Variants in VPS72 observed in about 807,000 individuals in gnomAD.
VPS72 encodes vacuolar protein sorting 72 homolog.
VPS72 carries 27 observed loss-of-function variants against 38.9 expected under a neutral mutation model. The ratio of observed to expected loss-of-function variants is 0.69; its 90% CI spans 0.51 to 0.96. The LOEUF (loss-of-function observed/expected upper bound fraction) is 0.96. Among genes scored for constraint, VPS72 ranks in the 40% least tolerant of loss-of-function variants. The pLI is 0.00. For synonymous variants in VPS72, 173 were observed against 186.3 expected (o/e 0.93, Z 0.58); for missense variants, 360 against 479.5 (o/e 0.75, Z 2.33).
At position 151,185,849 on chromosome 1, in the gene VPS72, T is replaced by G; in HGVS notation, c.219A>C (p.Gly73=). 2 of 1,614,142 alleles carry G rather than the reference T, an allele frequency of 1.2e-6. No homozygotes were observed. The highest frequency in any genetic ancestry group is 1.7e-6 in the Non-Finnish European group (2 of 1,180,020). ...IDEGDEPSSD[G]EAEEPRRKRR... ...GCTTCCTTCTTGGCTCTTCTGCTTC[T>G]CCATCACTGGATGGTTCATCCCCTT... Residue 73 remains glycine, a synonymous_variant, in exon 2 of 6, where the codon GGA becomes GGC. Transcript: ENST00000368892.
chr1:151,189,172 A>G (rs979420662), intron 1 of VPS72, among the ~76,000 whole-genome samples: 4 of 152,286 alleles, frequency 2.6e-5, no homozygotes, highest in African/African-American at 7.2e-5. Flanking sequence ...TTAACTGTTA[A>G]CCCAGGCAGT....
intron 4 of VPS72, among the ~76,000 whole-genome samples, chr1:151,181,918 T>C (rs1267069856): frequency 6.6e-6 from 1 of 151,962 alleles, no homozygotes; most frequent in Non-Finnish European, 1.5e-5. Flanking sequence ...AGGGTCTCAC[T>C]ATGTTGCCCA....
Position 151,176,812 on chromosome 1 carries a change from G to A in VPS72, c.927C>T (p.Pro309=), listed in dbSNP as rs371680178. 176 of 1,614,062 alleles carry A rather than the reference G, an allele frequency of 1.1e-4. No homozygotes were observed. The highest frequency in any genetic ancestry group is 1.6e-5 in the Non-Finnish European group (19 of 1,180,044). ...ALYRDPVTDI[P]YATARAFKII... is the part of the protein sequence containing the mutation. ...TCTTGAAGGCTCGAGCAGTGGCATAGGGTATGTCTGTAACAGGGTCCCGGT... is the reference window on the plus strand; with the variant it reads ...TCTTGAAGGCTCGAGCAGTGGCATAAGGTATGTCTGTAACAGGGTCCCGGT... Residue 309 remains proline, a synonymous_variant, in exon 6 of 6, where the codon CCC becomes CCT. Coordinates refer to ENST00000368892, the MANE Select transcript of VPS72 (RefSeq NM_005997.3).
chr1:151,184,290 T>C lies in VPS72; in HGVS notation c.562+27A>G, dbSNP rs41269666. The C allele has an allele frequency of 5.2e-3, 8,429 of 1,610,464 alleles. 41 individuals are homozygous for C. Among genetic ancestry groups the C allele is most frequent in the Middle Eastern group, 0.011 (66 of 6,050 alleles). On this transcript the variant is annotated intron_variant, in intron 4 of 5. Transcript: ENST00000368892. ...TTCTCATGCCCCTCAGCCCCTCTAC[T>C]CACTTTTTCTGAAACCACAGACTTA...
chr1:151,181,247 T>TA (rs1684232403), intron 4 of VPS72, among the ~76,000 whole-genome samples: 1 of 19,474 alleles, frequency 5.1e-5, no homozygotes. Flanking sequence ...GTCACTTTAC[T>TA]TTTTTTTTTT....
chr1:151,190,179 C>T lies in VPS72; in HGVS notation c.-58G>A. The T allele has an allele frequency of 6.4e-7, 1 of 1,573,636 alleles. No homozygotes were observed. Among genetic ancestry groups the T allele is most frequent in the Non-Finnish European group, 8.7e-7 (1 of 1,151,910 alleles). ...CCCCTCACCAGCTCGGTTTTGGGAG[C>T]TCGACGCTCGACATCACTACCTGCG... On this transcript the variant is annotated 5_prime_UTR_variant, in exon 1 of 6. Coordinates refer to ENST00000368892, the MANE Select transcript of VPS72 (RefSeq NM_005997.3).
At position 151,183,994 on chromosome 1, in the gene VPS72, G is replaced by T. The variant is rs116294737; in HGVS notation, c.562+323C>A. Reference sequence around the variant, plus strand: ...CTGCCTAAATTTCCTGAGTCATTAGGTATATACCCCATTTTATAAACAAGA... The same window carrying T: ...CTGCCTAAATTTCCTGAGTCATTAGTTATATACCCCATTTTATAAACAAGA... On this transcript the variant is annotated intron_variant, in intron 4 of 5. Transcript: ENST00000368892. Among the ~76,000 whole-genome samples, 1,110 of 151,814 alleles carry T rather than the reference G, an allele frequency of 7.3e-3. 23 individuals are homozygous for T. Among genetic ancestry groups the T allele is most frequent in the African/African-American group, 0.026 (1,073 of 41,374 alleles).
intron 4 of VPS72, among the ~76,000 whole-genome samples, 199 bp from the exon 5 acceptor site, chr1:151,178,344 TC>T (rs1203527977): frequency 3.9e-5 from 6 of 152,326 alleles, no homozygotes; most frequent in Middle Eastern, 3.4e-3. Context: ...TTTCTTGACA[TC>T]CTCTCTGCTC....
intron 4 of VPS72, among the ~76,000 whole-genome samples, chr1:151,180,000 A>G (rs1684204503): frequency 1.3e-5 from 2 of 151,928 alleles, no homozygotes; most frequent in African/African-American, 4.8e-5. Context: ...TGATGAACAC[A>G]ATTCCCTAAA....
intron 3 of VPS72, 35 bp downstream of exon 3, chr1:151,185,471 C>A: frequency 1.3e-6 from 2 of 1,585,248 alleles, no homozygotes; most frequent in Non-Finnish European, 1.7e-6. Context: ...TATTATATTC[C>A]AATTTTGCCA....
Position 151,185,802 on chromosome 1 carries a change from T to TA in VPS72, c.265dup (p.Tyr89LeufsTer2). 1 of 1,614,180 alleles carries TA rather than the reference T, an allele frequency of 6.2e-7. No homozygotes were observed. The highest frequency in any genetic ancestry group is 8.5e-7 in the Non-Finnish European group (1 of 1,180,030). On this transcript the variant is annotated frameshift_variant, in exon 2 of 6. Transcript: ENST00000368892. LOFTEE classifies it high-confidence loss of function. Reference sequence around the variant, plus strand: ...CAACTAGGACTCCCCCTGTACCTTATAGGCCTTGGTGACTACTCGGCGCTT... The same window carrying TA: ...CAACTAGGACTCCCCCTGTACCTTATAAGGCCTTGGTGACTACTCGGCGCTT...
At chr1:151,184,532 T>A (rs747709230) in intron 3 of VPS72, 39 bp from the exon 4 acceptor site, 1 of 1,525,954 alleles carries the variant, frequency 6.6e-7, no homozygotes, top group Middle Eastern at 1.8e-4. Context: ...TTTGAATTCA[T>A]GTCCACATAT....
At chr1:151,186,494 G>C (rs1010812384) in intron 1 of VPS72, among the ~76,000 whole-genome samples, 19 of 151,964 alleles carry the variant, frequency 1.3e-4, no homozygotes, top group African/African-American at 4.4e-4. Flanking sequence ...AGGAGGCATA[G>C]GTTGCAGTGA....
chr1:151,176,383 G>C lies in VPS72; in HGVS notation c.*261C>G. 2.1e-6 allele frequency: 1 copy of C among 481,682 alleles called. No homozygotes were observed. Among genetic ancestry groups the C allele is most frequent in the South Asian group, 2.8e-5 (1 of 36,136 alleles). 29.8% of individuals were successfully genotyped at this position (481,682 alleles called of 1,614,324 possible). ...TTAGAAAGGACAGCTCATAATAAAT[G>C]CTATCGAATAAAGACCCAAATATAT... On this transcript the variant is annotated 3_prime_UTR_variant, in exon 6 of 6. Transcript: ENST00000368892.
At chr1:151,177,882 T>G (rs1684152647) in intron 5 of VPS72, 119 bp downstream of exon 5, 2 of 1,199,508 alleles carry the variant, frequency 1.7e-6, no homozygotes, top group Admixed American at 4.6e-5. Flanking sequence ...TGAAGGGAGT[T>G]AGGAATCTGA....
chr1:151,185,191 G>GA (rs1293724058), intron 3 of VPS72, among the ~76,000 whole-genome samples: 1 of 151,556 alleles, frequency 6.6e-6, no homozygotes, highest in East Asian at 1.9e-4. Context: ...GCCCAGGCTG[G>GA]AGTGCAATGG....
chr1:151,181,209 C>A (rs1684230936), intron 4 of VPS72, among the ~76,000 whole-genome samples: 1 of 151,870 alleles, frequency 6.6e-6, no homozygotes, highest in Admixed American at 6.6e-5. Context: ...CAGTTTATCA[C>A]CTCATCTCTA....
chr1:151,179,647 CT>C (rs1409011187), intron 4 of VPS72, among the ~76,000 whole-genome samples: 1 of 152,106 alleles, frequency 6.6e-6, no homozygotes, highest in Non-Finnish European at 1.5e-5. Context: ...AATCCCAGCA[CT>C]TTGGGAGGCT....
intron 5 of VPS72, among the ~76,000 whole-genome samples, chr1:151,177,606 C>A (rs1391810079): frequency 6.6e-6 from 1 of 152,020 alleles, no homozygotes; most frequent in Non-Finnish European, 1.5e-5. Flanking sequence ...GTGGCTCACA[C>A]CTGTAATCCC....
Sources: gnomAD v4.1 joint callset for allele counts (sites outside exome capture counted in the v4.1 genomes callset) on GRCh38, gnomAD v4.1.1 for gene constraint, MANE v1.5 for transcripts, NCBI Gene and HGNC (gene_info 2026-07-23, HGNC 2026-07-21) for gene names.